The following SPECC1 variants were observed in gnomAD, a reference collection of about 807,000 sequenced individuals.
SPECC1 encodes cytospin-B.
In SPECC1, 62 loss-of-function variants were observed where a neutral mutation model predicts 104.1. The observed-to-expected ratio is 0.60, with a 90% CI of 0.49 to 0.74. The LOEUF is 0.74. Among genes scored for constraint, SPECC1 ranks in the 30% least tolerant of loss-of-function variants. The probability of loss-of-function intolerance (pLI) is 0.00; values close to 1 mark genes in which losing one functional copy is unlikely to be tolerated. For missense variants in SPECC1, 1,306 were observed against 1,310.5 expected (o/e 1.00, Z 0.05); for synonymous variants, 513 against 501.6 (o/e 1.02, Z -0.30).
chr17:20,245,128 T>G (rs2039365249), intron 7 of SPECC1, among the ~76,000 whole-genome samples: 1 of 152,230 alleles, frequency 6.6e-6, no homozygotes, highest in South Asian at 2.1e-4. Context: ...TTCTGTTGTG[T>G]ATAATGGATT....
intron 2 of SPECC1, among the ~76,000 whole-genome samples, chr17:20,099,555 C>T (rs146693945): frequency 3.4e-5 from 5 of 146,408 alleles, no homozygotes; most frequent in East Asian, 4.0e-4. Context: ...CTTAGCCGGG[C>T]GTGGTGGCAT....
chr17:20,218,187 G>T (rs1244174865), intron 4 of SPECC1, among the ~76,000 whole-genome samples: 1 of 152,106 alleles, frequency 6.6e-6, no homozygotes, highest in African/African-American at 2.4e-5. Flanking sequence ...AATACATAGG[G>T]CAATTGTGAG....
chr17:20,097,829 A>T (rs1053622971), intron 2 of SPECC1, among the ~76,000 whole-genome samples: 1 of 152,216 alleles, frequency 6.6e-6, no homozygotes. Flanking sequence ...ATATGTGGAA[A>T]GTGTGTGGGT....
chr17:20,211,070 G>A (rs1264574747), intron 4 of SPECC1, among the ~76,000 whole-genome samples: 1 of 152,164 alleles, frequency 6.6e-6, no homozygotes, highest in Non-Finnish European at 1.5e-5. Context: ...CTCAGCCAAG[G>A]TCACTCATGG....
intron 13 of SPECC1, among the ~76,000 whole-genome samples, chr17:20,302,762 A>G (rs2041629944): frequency 2.1e-3 from 1 of 478 alleles, no homozygotes. Flanking sequence ...GCACACTGTG[A>G]AAACACAGCG....
intron 10 of SPECC1, among the ~76,000 whole-genome samples, chr17:20,254,266 G>A (rs989676236): frequency 6.6e-6 from 1 of 151,810 alleles, no homozygotes; most frequent in Admixed American, 6.6e-5. Context: ...CATTTGCGTG[G>A]CGTCATATTT....
In SPECC1 at chr17:20,205,892, G is replaced by A; in HGVS notation, c.1843G>A (p.Val615Ile). Residue 615 changes from valine to isoleucine, a missense_variant, in exon 4 of 15, where the codon GTT (valine) becomes ATT (isoleucine). By Grantham distance (29) the Val-to-Ile change is conservative. Around this residue, in one of 2 missense-constraint regions of SPECC1, gnomAD observed 1,177 missense variants for 1,139.9 expected, o/e 1.03. Coordinates refer to ENST00000395527, the MANE Select transcript of SPECC1 (RefSeq NM_001243439.2). ...AAAGGCAAACGGTGAAATTAAACAT[G>A]TTTCCAGTCTGCTGGCCAAGGTGAG... is the stretch of plus-strand genomic sequence containing the variant. ...LLKANGEIKH[V>I]SSLLAKVEKD... 1 of 1,611,066 alleles carries A rather than the reference G, an allele frequency of 6.2e-7. No individual in the cohort carries two copies. The highest frequency in any genetic ancestry group is 8.5e-7 in the Non-Finnish European group (1 of 1,179,430).
chr17:20,077,000 G>A (rs1440552882), intron 1 of SPECC1, among the ~76,000 whole-genome samples: 1 of 152,122 alleles, frequency 6.6e-6, no homozygotes, highest in East Asian at 1.9e-4. Context: ...ATCATTTTAT[G>A]GGATCGTAAT....
intron 2 of SPECC1, among the ~76,000 whole-genome samples, chr17:20,106,062 G>T (rs536551193): frequency 1.3e-5 from 2 of 152,330 alleles, no homozygotes; most frequent in African/African-American, 4.8e-5. Context: ...CAGAGAATCA[G>T]ATAGGGGAAA....
rs115864829 is a variant in SPECC1 at position 20,100,344 on chromosome 17, G to A, written c.147+3546G>A. 3.5e-3 allele frequency among the ~76,000 whole-genome samples: 526 copies of A among 152,242 alleles called. 1 individual carries two copies. The highest frequency in any genetic ancestry group is 8.2e-3 in the African/African-American group (339 of 41,540). On this transcript the variant is annotated intron_variant, in intron 2 of 14. Coordinates refer to ENST00000395527, the MANE Select transcript of SPECC1 (RefSeq NM_001243439.2). ...ATGGGAAGAAGAAAAATACTAAAAA[G>A]GAAGTCAGAGAGCAGAAGAGAGAAA...
chr17:20,256,954 A>T (rs1175918887), intron 10 of SPECC1, among the ~76,000 whole-genome samples: 1 of 152,178 alleles, frequency 6.6e-6, no homozygotes, highest in African/African-American at 2.4e-5. Context: ...TGAAAGAGTG[A>T]TTCCTACTTC....
At chr17:20,122,856 C>G (rs1567859461) in intron 3 of SPECC1, among the ~76,000 whole-genome samples, 2 of 152,220 alleles carry the variant, frequency 1.3e-5, no homozygotes, top group East Asian at 1.9e-4. Flanking sequence ...TCTGGATATA[C>G]CGTATCTTCT....
chr17:20,089,816 C>T (rs1414556982), intron 1 of SPECC1, among the ~76,000 whole-genome samples: 1 of 152,178 alleles, frequency 6.6e-6, no homozygotes, highest in Non-Finnish European at 1.5e-5. Flanking sequence ...GATCTGCTGG[C>T]CTGGACAGCC....
At chr17:20,217,855 T>C (rs2037603276) in intron 4 of SPECC1, among the ~76,000 whole-genome samples, 4 of 151,596 alleles carry the variant, frequency 2.6e-5, no homozygotes, top group Admixed American at 1.3e-4. Flanking sequence ...CTGGGCAACA[T>C]AGCAAGACCC....
intron 1 of SPECC1, among the ~76,000 whole-genome samples, chr17:20,012,123 G>A (rs948092882): frequency 1.3e-5 from 2 of 151,996 alleles, no homozygotes; most frequent in Admixed American, 6.6e-5. Flanking sequence ...TTTTGTAGCT[G>A]GAAGGTTTTT....
intron 5 of SPECC1, among the ~76,000 whole-genome samples, chr17:20,229,651 G>A (rs1356905590): frequency 6.6e-6 from 1 of 152,168 alleles, no homozygotes; most frequent in Non-Finnish European, 1.5e-5. Context: ...TCCAGCCTGG[G>A]CAATAGAGCA....
In SPECC1 at chr17:20,205,293, T is replaced by A; in HGVS notation, c.1244T>A (p.Leu415Gln). ...GAATTGACAGCTGAAAATGAGAAGC[T>A]GGTGGATGAAAAGACGATTTTAGAG... is the stretch of plus-strand genomic sequence containing the variant. ...VQELTAENEK[L>Q]VDEKTILETS... is the part of the protein sequence containing the mutation. The change falls in exon 4 of 15, where the codon CTG becomes CAG. Residue 415 changes from leucine (L) to glutamine (Q), a missense_variant. By Grantham distance (113) the Leu-to-Gln change is moderately radical. Transcript: ENST00000395527. The A allele has an allele frequency of 6.2e-7, 1 of 1,614,156 alleles. No individual in the cohort carries two copies. Among genetic ancestry groups the A allele is most frequent in the Non-Finnish European group, 8.5e-7 (1 of 1,180,040 alleles).
At chr17:20,231,696 G>C (rs375245680) in intron 5 of SPECC1, 62 bp from the exon 6 acceptor site, 1 of 1,486,106 alleles carries the variant, frequency 6.7e-7, no homozygotes, top group Non-Finnish European at 9.4e-7. Flanking sequence ...TTGCTACCTA[G>C]CGTGTCTTCT....
chr17:20,114,575 T>A (rs1490349864), intron 3 of SPECC1, among the ~76,000 whole-genome samples: 1 of 151,878 alleles, frequency 6.6e-6, no homozygotes, highest in Non-Finnish European at 1.5e-5. Flanking sequence ...AGGAAGGGCC[T>A]GTATCTCCCT....
Sources: allele counts gnomAD v4.1 joint callset (sites outside exome capture counted in the v4.1 genomes callset), GRCh38; gene constraint gnomAD v4.1.1; regional missense constraint gnomAD v4.1.1; transcripts MANE v1.5; gene names NCBI Gene and HGNC (gene_info 2026-07-23, HGNC 2026-07-21).